DNER: variants seen among roughly 807,000 people sequenced by gnomAD.
The protein encoded by DNER is delta/notch like EGF repeat containing.
In DNER, 33 loss-of-function variants were observed where a neutral mutation model predicts 78.2. The observed-to-expected ratio is 0.42, with a 90% CI of 0.32 to 0.56. DNER has a LOEUF of 0.56. Ranked by LOEUF, DNER falls within the 20% of genes least tolerant of loss-of-function variation. DNER has a pLI of 0.11. For synonymous variants in DNER, 417 were observed against 384.8 expected (o/e 1.08, Z -0.98); for missense variants, 918 against 975.3 (o/e 0.94, Z 0.78).
At chr2:229,509,934 G>A (rs1265334255) in intron 6 of DNER, among the ~76,000 whole-genome samples, 1 of 152,168 alleles carries the variant, frequency 6.6e-6, no homozygotes, top group Non-Finnish European at 1.5e-5. Context: ...GGTTATAGAA[G>A]AGAAAAATGG....
chr2:229,607,826 C>T (rs2154215075), intron 1 of DNER, among the ~76,000 whole-genome samples: 1 of 151,980 alleles, frequency 6.6e-6, no homozygotes, highest in Non-Finnish European at 1.5e-5. Context: ...AGTTCAAGAC[C>T]AGCCTGGCCA....
intron 4 of DNER, among the ~76,000 whole-genome samples, chr2:229,555,317 C>G (rs1214626262): frequency 6.6e-6 from 1 of 152,088 alleles, no homozygotes; most frequent in Admixed American, 6.6e-5. Flanking sequence ...CTTTATGGCC[C>G]TGAACCATGT....
chr2:229,660,871 G>A (rs1698998509), intron 1 of DNER, among the ~76,000 whole-genome samples: 1 of 152,122 alleles, frequency 6.6e-6, no homozygotes, highest in African/African-American at 2.4e-5. Context: ...AAAAAGATAT[G>A]TCTTAAAACT....
Position 229,388,328 on chromosome 2 carries a change from C to T in DNER, c.1792G>A (p.Asp598Asn). The change falls in exon 11 of 13, where the codon GAC (aspartate) becomes AAC (asparagine). Residue 598 changes from aspartate to asparagine, a missense_variant. Coordinates refer to ENST00000341772, the MANE Select transcript of DNER (RefSeq NM_139072.4). ...TGGCAGTTATAACCATTGGGCTGGTCCAGGCAGCTCCCACCATGGTGGCAG... is the reference window on the plus strand; with the variant it reads ...TGGCAGTTATAACCATTGGGCTGGTTCAGGCAGCTCCCACCATGGTGGCAG... Reference protein sequence around the residue: ...NPCHHGGSCLDQPNGYNCHCP... With the variant: ...NPCHHGGSCLNQPNGYNCHCP... 3 of 1,611,504 alleles carry T rather than the reference C, an allele frequency of 1.9e-6. No homozygotes were observed. Among genetic ancestry groups the T allele is most frequent in the Non-Finnish European group, 1.7e-6 (2 of 1,178,656 alleles).
At chr2:229,514,899 T>G (rs758408888) in intron 5 of DNER, among the ~76,000 whole-genome samples, 2 of 152,246 alleles carry the variant, frequency 1.3e-5, no homozygotes, top group Admixed American at 6.5e-5. Flanking sequence ...TTTCTTCTGT[T>G]AACAGAATAC....
At chr2:229,497,798 TAA>T (rs941793557) in intron 6 of DNER, among the ~76,000 whole-genome samples, 9 of 151,898 alleles carry the variant, frequency 5.9e-5, no homozygotes, top group African/African-American at 1.9e-4. Context: ...CAAGAATGAG[TAA>T]AAGAGTGAGC....
At chr2:229,394,253 A>G (rs1352121520) in intron 10 of DNER, among the ~76,000 whole-genome samples, 3 of 152,144 alleles carry the variant, frequency 2.0e-5, no homozygotes, top group African/African-American at 4.8e-5. Context: ...TTGTACTTCG[A>G]TTGTCCTGCA....
chr2:229,388,174 G>A, intron 11 of DNER, 91 bp downstream of exon 11: 1 of 1,487,346 alleles, frequency 6.7e-7, no homozygotes, highest in Non-Finnish European at 9.0e-7. Flanking sequence ...GGGGCTTTCT[G>A]GTCACAGTCG....
At chr2:229,609,615 A>G (rs1225122433) in intron 1 of DNER, among the ~76,000 whole-genome samples, 1 of 152,146 alleles carries the variant, frequency 6.6e-6, no homozygotes, top group African/African-American at 2.4e-5. Context: ...CTTTACAGAA[A>G]AAGTTTGCTA....
At chr2:229,520,804 C>T (rs543918925) in intron 5 of DNER, among the ~76,000 whole-genome samples, 1 of 152,192 alleles carries the variant, frequency 6.6e-6, no homozygotes, top group Non-Finnish European at 1.5e-5. Context: ...TGAAGTCCCA[C>T]TCCAGAGATT....
At chr2:229,702,041 C>A (rs1699755841) in intron 1 of DNER, 2 of 185,370 alleles carry the variant, frequency 1.1e-5, no homozygotes, top group Non-Finnish European at 2.3e-5. Flanking sequence ...CAAATAATGT[C>A]TTCAGGAAAA....
intron 4 of DNER, among the ~76,000 whole-genome samples, chr2:229,552,411 T>C (rs573337289): frequency 6.6e-6 from 1 of 152,320 alleles, no homozygotes; most frequent in South Asian, 2.1e-4. Flanking sequence ...GGTTTGGCTG[T>C]GTCCCCACCC....
In DNER at chr2:229,414,052, C is replaced by A. The variant is rs540053995; in HGVS notation, c.1609+4056G>T. ...CCCCACGGAGAGAAAAGCACAGGAT[C>A]ATGTGGCCTCTCACTTCCCCTCACT... On this transcript the variant is annotated intron_variant, in intron 9 of 12. Coordinates refer to ENST00000341772, the MANE Select transcript of DNER (RefSeq NM_139072.4). Among the ~76,000 whole-genome samples, 7 of 152,064 alleles carry A rather than the reference C, an allele frequency of 4.6e-5. No individual in the cohort carries two copies. The South Asian group carries it at 1.5e-3, about 32-fold the overall frequency.
intron 1 of DNER, among the ~76,000 whole-genome samples, chr2:229,632,699 C>A (rs2154215800): frequency 6.6e-6 from 1 of 152,164 alleles, no homozygotes; most frequent in East Asian, 1.9e-4. Flanking sequence ...CATAGGTAGT[C>A]CAGATCACAA....
intron 1 of DNER, among the ~76,000 whole-genome samples, chr2:229,673,658 C>T (rs1180978872): frequency 6.6e-6 from 1 of 152,176 alleles, no homozygotes; most frequent in Admixed American, 6.5e-5. Flanking sequence ...CATTCCTTAG[C>T]TCAGAATGCC....
intron 11 of DNER, among the ~76,000 whole-genome samples, chr2:229,386,838 G>A (rs1692878026): frequency 6.6e-6 from 1 of 152,148 alleles, no homozygotes; most frequent in Non-Finnish European, 1.5e-5. Flanking sequence ...AGATGCTGCA[G>A]AGGATGTGGA....
chr2:229,447,475 C>T lies in DNER; in HGVS notation c.1327G>A (p.Gly443Ser), dbSNP rs755347007. Reference protein sequence around the residue: ...PCASSPCQNNGTCYVDGVHFT... With the variant: ...PCASSPCQNNSTCYVDGVHFT... ...TGTACCCCGTCCACATAGCAGGTGC[C>T]GTTGTTCTGGCACGGAGACGAGGCG... The change falls in exon 8 of 13, where the codon GGC becomes AGC. Residue 443 changes from glycine to serine, a missense_variant. Transcript: ENST00000341772. 1.1e-5 allele frequency: 18 copies of T among 1,614,020 alleles called. No individual in the cohort carries two copies. The highest frequency in any genetic ancestry group is 1.1e-4 in the East Asian group (5 of 44,894).
intron 11 of DNER, among the ~76,000 whole-genome samples, chr2:229,372,077 C>T (rs553885856): frequency 7.2e-5 from 11 of 152,254 alleles, no homozygotes; most frequent in South Asian, 2.1e-4. Context: ...TGAAAGAGAT[C>T]GTCTCCTTTA....
chr2:229,685,307 G>A (rs150840593), intron 1 of DNER, among the ~76,000 whole-genome samples: 127 of 112,834 alleles, frequency 1.1e-3, no homozygotes, highest in East Asian at 5.6e-3. Context: ...ATCAGTCATC[G>A]TTTTTATTTC....
Sources: allele counts gnomAD v4.1 joint callset (sites outside exome capture counted in the v4.1 genomes callset), GRCh38; gene constraint gnomAD v4.1.1; transcripts MANE v1.5; gene names NCBI Gene and HGNC (gene_info 2026-07-23, HGNC 2026-07-21).